TECPR1: variants seen among roughly 807,000 people sequenced by gnomAD.
TECPR1 encodes tectonin beta-propeller repeat containing 1, also known as tectonin beta-propeller repeat-containing protein 1.
In TECPR1, 122 loss-of-function variants were observed where a neutral mutation model predicts 162.4. The observed-to-expected ratio is 0.75, with a 90% CI of 0.65 to 0.87. The LOEUF (loss-of-function observed/expected upper bound fraction) is 0.87. Ranked by LOEUF, TECPR1 falls within the 40% of genes least tolerant of loss-of-function variation. The pLI, the probability that TECPR1 is intolerant of heterozygous loss-of-function variation, is 0.00. For missense variants in TECPR1, 1,432 were observed against 1,618.2 expected, an observed-to-expected ratio of 0.88 and a Z score of 1.97; for synonymous variants, 642 against 670.6, an observed-to-expected ratio of 0.96 and a Z score of 0.66.
In TECPR1 at chr7:98,228,006, C is replaced by A. The variant is rs768214494; in HGVS notation, c.2513+8G>T. 99 of 1,609,320 alleles carry A rather than the reference C, an allele frequency of 6.2e-5. No homozygotes were observed. The highest frequency in any genetic ancestry group is 7.7e-5 in the Non-Finnish European group (91 of 1,177,966). On this transcript the variant is annotated splice_region_variant and intron_variant, in intron 17 of 25. Transcript: ENST00000447648. Reference sequence around the variant, plus strand: ...GCAGCATCCTGGCCGGGCACCTGTGCCACTTACCTGCTGGTGTAGCCTGTG... The same window carrying A: ...GCAGCATCCTGGCCGGGCACCTGTGACACTTACCTGCTGGTGTAGCCTGTG...
rs1466715971 is a variant in TECPR1 at position 98,246,107 on chromosome 7, T to C, written c.40A>G (p.Arg14Gly). ...CCTGCTGTGGACAGCGTGTACACTC[T>C]CCCGAAGAGGTCCACCGCCCACAGC... ...SVLWAVDLFG[R>G]VYTLSTAGQY... The change falls in exon 3 of 26, where the codon AGA (arginine) becomes GGA (glycine). Residue 14 changes from arginine to glycine, a missense_variant. Physicochemically the swap from Arg to Gly is moderately radical, Grantham distance 125. Coordinates refer to ENST00000447648, the MANE Select transcript of TECPR1 (RefSeq NM_015395.3). The C allele has an allele frequency of 6.4e-7, 1 of 1,554,858 alleles. No homozygotes were observed. Among genetic ancestry groups the C allele is most frequent in the East Asian group, 2.4e-5 (1 of 41,228 alleles).
chr7:98,244,191 G>A (rs947114959), intron 5 of TECPR1, among the ~76,000 whole-genome samples: 1 of 152,232 alleles, frequency 6.6e-6, no homozygotes, highest in African/African-American at 2.4e-5. Flanking sequence ...CCAAGACCTG[G>A]GTCCAGTGCT....
intron 2 of TECPR1, among the ~76,000 whole-genome samples, chr7:98,248,937 GGA>G (rs1470604460): frequency 6.7e-6 from 1 of 149,988 alleles, no homozygotes; most frequent in Admixed American, 6.6e-5. Context: ...CTCCCAGGCT[GGA>G]GTGCAGTGGC....
intron 2 of TECPR1, among the ~76,000 whole-genome samples, chr7:98,247,392 C>A (rs58699591): frequency 6.6e-6 from 1 of 151,928 alleles, no homozygotes; most frequent in African/African-American, 2.4e-5. Flanking sequence ...CCTCCCATCT[C>A]GGCCTCCCAA....
chr7:98,234,356 T>C (rs1165712675), intron 10 of TECPR1, among the ~76,000 whole-genome samples: 3 of 152,186 alleles, frequency 2.0e-5, no homozygotes, highest in African/African-American at 7.2e-5. Context: ...GGTTTCACCA[T>C]GTTGGCAGGC....
intron 10 of TECPR1, among the ~76,000 whole-genome samples, chr7:98,235,264 G>A (rs1029063848): frequency 6.6e-6 from 1 of 152,142 alleles, no homozygotes; most frequent in Non-Finnish European, 1.5e-5. Flanking sequence ...AGTGGCTCAC[G>A]CCTGTAATCT....
rs558995427 is a variant in TECPR1, at chr7:98,225,193, C to G, written c.2514-91G>C. The G allele has an allele frequency of 5.7e-5, 71 of 1,243,522 alleles. 1 individual carries two copies. In the South Asian group the frequency reaches 9.2e-4, roughly 16 times the overall value. The allele number at this position is 1,243,522 out of a possible 1,614,324, so 77.0% of individuals were successfully genotyped here. A position where few individuals can be genotyped will look rare whatever the true frequency, so the allele number is the denominator to read the frequency against. On this transcript the variant is annotated intron_variant, in intron 17 of 25. Transcript: ENST00000447648. ...CCCATAACACCCCACAGGGAAGCAC[C>G]GAGCTCCAGTCTCAGAGCCAGCCAC...
At chr7:98,225,153 GCTCA>G (rs1798249965) in intron 17 of TECPR1, 51 bp from the exon 18 acceptor site, 4 of 1,498,594 alleles carry the variant, frequency 2.7e-6, no homozygotes, top group African/African-American at 1.4e-5. Flanking sequence ...GAATGAACTG[GCTCA>G]CTCAGACACC....
Position 98,241,345 on chromosome 7 carries a change from C to T in TECPR1, c.658-101G>A, listed in dbSNP as rs1408296039. The T allele has an allele frequency of 5.6e-6, 8 of 1,426,172 alleles. No homozygotes were observed. The highest frequency in any genetic ancestry group is 7.7e-6 in the Non-Finnish European group (8 of 1,039,950). The allele number at this position is 1,426,172 out of a possible 1,614,324, so 88.3% of individuals were successfully genotyped here. ...AGGGGGTAGGACCCATGTCCCCTGA[C>T]CGTCCAGATCTCACTCCCTGCCCCC... On this transcript the variant is annotated intron_variant, in intron 6 of 25. Coordinates refer to ENST00000447648, the MANE Select transcript of TECPR1 (RefSeq NM_015395.3). This position sits in a 1 kb window ranked among gnomAD's most constrained non-coding sequence, Gnocchi z 5.0.
rs752550051 is a variant in TECPR1, at chr7:98,246,039, C to T, written c.108G>A (p.Lys36=). Residue 36 remains lysine (K), a synonymous_variant, in exon 3 of 26, where the codon AAG becomes AAA. Coordinates refer to ENST00000447648, the MANE Select transcript of TECPR1 (RefSeq NM_015395.3). ...AGCACTGCGTGGTGGCGCTGACGCG[C>T]TTGAACTCCAGCTGGGAGTCCTTGC... is the stretch of plus-strand genomic sequence containing the variant. ...EMCKDSQLEF[K]RVSATTQCCW... is the part of the protein sequence containing the mutation. 7.6e-6 allele frequency: 12 copies of T among 1,587,782 alleles called. No homozygotes were observed. In the Admixed American group the frequency reaches 2.1e-4, roughly 28 times the overall value.
chr7:98,227,229 T>C (rs529677941), intron 17 of TECPR1, among the ~76,000 whole-genome samples: 47 of 151,322 alleles, frequency 3.1e-4, no homozygotes, highest in African/African-American at 1.1e-3. Flanking sequence ...CCGTCTCTAC[T>C]AAAAATACGA....
chr7:98,217,418 G>T lies in TECPR1; in HGVS notation c.3470C>A (p.Pro1157Gln). The change falls in exon 26 of 26, where the codon CCA becomes CAA. Residue 1157 changes from proline to glutamine, a missense_variant. Transcript: ENST00000447648. The stretch of plus-strand genomic sequence containing the variant: ...GCAGCAGACGGGGCCATGGGCCTCT[G>T]GTGGGGCACTCGGCTCCTGCTCCTG... ...SSQEQEPSAP[P>Q]EAHGPVCC The T allele has an allele frequency of 6.2e-7, 1 of 1,605,210 alleles. No homozygotes were observed.
chr7:98,216,045 G>C lies in TECPR1; in HGVS notation c.*1345C>G, dbSNP rs1341004287. ...GTCATCCCCTCTCCAACCGAGCAGA[G>C]CCTGGGGTTGGGCTCTGATGACCTC... On this transcript the variant is annotated 3_prime_UTR_variant, in exon 26 of 26. Coordinates refer to ENST00000447648, the MANE Select transcript of TECPR1 (RefSeq NM_015395.3). 2.0e-5 allele frequency: 3 copies of C among 152,298 alleles called. No homozygotes were observed. Among genetic ancestry groups the C allele is most frequent in the Non-Finnish European group, 4.4e-5 (3 of 68,098 alleles). 9.4% of individuals were successfully genotyped at this position (152,298 alleles called of 1,614,324 possible).
chr7:98,217,606 G>T (rs535213443), intron 25 of TECPR1, 86 bp downstream of exon 25: 3 of 1,531,752 alleles, frequency 2.0e-6, no homozygotes, highest in African/African-American at 2.7e-5. Flanking sequence ...GGTCCCAGGG[G>T]ACAGTCCCAC....
intron 6 of TECPR1, among the ~76,000 whole-genome samples, chr7:98,242,202 G>A (rs1798768536): frequency 6.6e-6 from 1 of 152,224 alleles, no homozygotes. Context: ...TAACTGCTAA[G>A]CCCACTGGGG....
At chr7:98,222,740 G>A in intron 21 of TECPR1, 1 of 784,508 alleles carries the variant, frequency 1.3e-6, no homozygotes. Context: ...GTGGGCGTGT[G>A]CACCTCACCG....
In TECPR1 at chr7:98,241,688, A is replaced by G. The variant is rs533808116; in HGVS notation, c.658-444T>C. Among the ~76,000 whole-genome samples the G allele has an allele frequency of 6.6e-6, 1 of 152,324 alleles. No individual in the cohort carries two copies. Among genetic ancestry groups the G allele is most frequent in the African/African-American group, 2.4e-5 (1 of 41,578 alleles). ...GGGAGCAACGTGCTCAGAGCGTCTG[A>G]ACTGTTTGGCTCATTTTAGCTGGGG... On this transcript the variant is annotated intron_variant, in intron 6 of 25. Coordinates refer to ENST00000447648, the MANE Select transcript of TECPR1 (RefSeq NM_015395.3). This position sits in a 1 kb window ranked among gnomAD's most constrained non-coding sequence, Gnocchi z 5.0.
intron 23 of TECPR1, among the ~76,000 whole-genome samples, chr7:98,221,061 G>C (rs569648714): frequency 1.3e-5 from 2 of 151,514 alleles, no homozygotes; most frequent in South Asian, 4.2e-4. Context: ...CAGCACTTTG[G>C]GAGGCCGAGG....
At chr7:98,221,860 G>A (rs956738615) in intron 22 of TECPR1, 107 bp from the exon 23 acceptor site, 26 of 820,538 alleles carry the variant, frequency 3.2e-5, no homozygotes, top group Non-Finnish European at 4.7e-5. Context: ...GTAGCCTGGT[G>A]TCAGCTGTGT....
Sources: gnomAD v4.1 joint callset for allele counts (sites outside exome capture counted in the v4.1 genomes callset) on GRCh38, gnomAD v4.1.1 for gene constraint, Gnocchi (gnomAD v3.1) non-coding constraint, MANE v1.5 for transcripts, NCBI Gene and HGNC (gene_info 2026-07-23, HGNC 2026-07-21) for gene names.